SUMF1: variants seen among roughly 807,000 people sequenced by gnomAD.
The protein encoded by SUMF1 is formylglycine-generating enzyme.
In SUMF1, 48 loss-of-function variants were observed where a neutral mutation model predicts 47.6. The ratio of observed to expected loss-of-function variants is 1.01; its 90% confidence interval spans 0.80 to 1.28. The LOEUF (loss-of-function observed/expected upper bound fraction) is 1.28. Among genes scored for constraint, SUMF1 ranks in the 50% most tolerant of loss-of-function variants. The probability of loss-of-function intolerance (pLI) is 0.00; values close to 1 mark genes in which losing one functional copy is unlikely to be tolerated. For synonymous variants in SUMF1, 230 were observed against 192.1 expected, an observed-to-expected ratio of 1.20 and a Z score of -1.63; for missense variants, 571 against 485.4, an observed-to-expected ratio of 1.18 and a Z score of -1.66.
chr3:4,176,774 G>A (rs1362992148), intron 8 of SUMF1, among the ~76,000 whole-genome samples: 1 of 152,198 alleles, frequency 6.6e-6, no homozygotes, highest in East Asian at 1.9e-4. Context: ...ACCCATCAGA[G>A]TGCTGTATTC....
At chr3:4,373,330 T>C (rs1700225086) in intron 8 of SUMF1, among the ~76,000 whole-genome samples, 1 of 152,138 alleles carries the variant, frequency 6.6e-6, no homozygotes, top group Non-Finnish European at 1.5e-5. Context: ...GCAGAGATTA[T>C]GCCAATAAAT....
At chr3:4,305,791 A>C (rs908889071) in intron 8 of SUMF1, among the ~76,000 whole-genome samples, 2 of 152,212 alleles carry the variant, frequency 1.3e-5, no homozygotes, top group Admixed American at 1.3e-4. Context: ...TGGGCAAGAT[A>C]AGAAAAAATC....
At chr3:4,080,765 C>T (rs1692542678) in intron 8 of SUMF1, among the ~76,000 whole-genome samples, 1 of 152,074 alleles carries the variant, frequency 6.6e-6, no homozygotes, top group African/African-American at 2.4e-5. Context: ...GGTTTCTTAG[C>T]TCAGGGATTA....
chr3:4,217,818 A>AG (rs1341795923), intron 8 of SUMF1, among the ~76,000 whole-genome samples: 18 of 151,706 alleles, frequency 1.2e-4, no homozygotes, highest in African/African-American at 4.1e-4. Flanking sequence ...AAAATTCACC[A>AG]GGGAAAAAAT....
chr3:4,122,044 C>A (rs187302175), intron 8 of SUMF1, among the ~76,000 whole-genome samples: 1 of 151,434 alleles, frequency 6.6e-6, no homozygotes, highest in African/African-American at 2.5e-5. Context: ...AGGACATGAT[C>A]GCGTTCTTTT....
intron 8 of SUMF1, among the ~76,000 whole-genome samples, chr3:4,115,408 A>C (rs1465494043): frequency 6.6e-6 from 1 of 152,138 alleles, no homozygotes; most frequent in East Asian, 1.9e-4. Context: ...CCTTGCAATA[A>C]GGCAGAGGGC....
intron 1 of SUMF1, among the ~76,000 whole-genome samples, chr3:4,458,855 C>T (rs2079736524): frequency 6.6e-6 from 1 of 151,266 alleles, no homozygotes; most frequent in Non-Finnish European, 1.5e-5. Flanking sequence ...GATTCCGTCT[C>T]AAGAGAAAAA....
rs531056931 is a variant in SUMF1 at position 4,339,635 on chromosome 3, G to A, written c.1014+36695C>T. Among the ~76,000 whole-genome samples, 6 of 152,276 alleles carry A rather than the reference G, an allele frequency of 3.9e-5. No homozygotes were observed. The South Asian group carries it at 1.2e-3, about 32-fold the overall frequency. ...GATGTAGACTGCCCCCTGGAAAGAG[G>A]TCTTGGGTAGGAAGGCTGATAGCAC... On this transcript the variant is annotated intron_variant and NMD_transcript_variant, in intron 8 of 12. Coordinates refer to the SUMF1 transcript ENST00000448413.
rs746612402 is a variant in SUMF1 at position 4,297,564 on chromosome 3, A to ATTTTT, written c.1014+78761_1014+78765dup. On this transcript the variant is annotated intron_variant and NMD_transcript_variant, in intron 8 of 12. Coordinates refer to the SUMF1 transcript ENST00000448413. ...TACAGCCACAAGCCACTACACCTGAATTTTTTTTTTTTTTTTTTTTTGAGA... is the reference window on the plus strand; with the variant it reads ...TACAGCCACAAGCCACTACACCTGAATTTTTTTTTTTTTTTTTTTTTTTTTTGAGA... Among the ~76,000 whole-genome samples the ATTTTT allele has an allele frequency of 1.2e-3, 136 of 113,842 alleles. 2 individuals are homozygous for ATTTTT. Among genetic ancestry groups the ATTTTT allele is most frequent in the African/African-American group, 3.4e-3 (97 of 28,654 alleles). 74.7% of individuals were successfully genotyped at this position (113,842 alleles called of 152,430 possible).
intron 3 of SUMF1, among the ~76,000 whole-genome samples, chr3:4,423,819 T>C (rs1701984065): frequency 6.6e-6 from 1 of 152,154 alleles, no homozygotes; most frequent in Non-Finnish European, 1.5e-5. Context: ...GAGCTCTCAC[T>C]GTGTCACAGG....
rs138348828 is a variant in SUMF1, at chr3:4,178,714, T to C, written c.1015-109969A>G. Among the ~76,000 whole-genome samples, 154 of 152,178 alleles carry C rather than the reference T, an allele frequency of 1.0e-3. 2 individuals carry two copies. The highest frequency in any genetic ancestry group is 3.5e-3 in the African/African-American group (147 of 41,520). ...AGGGCAATCAGGCAAGAGAAAGAAA[T>C]AAAGGGTATTCAATTAGGAAATGAG... On this transcript the variant is annotated intron_variant and NMD_transcript_variant, in intron 8 of 12. Coordinates refer to the SUMF1 transcript ENST00000448413.
At chr3:4,258,200 G>A (rs1394006139) in intron 8 of SUMF1, among the ~76,000 whole-genome samples, 10 of 149,180 alleles carry the variant, frequency 6.7e-5, no homozygotes, top group East Asian at 3.9e-4. Context: ...ACATAGGCAC[G>A]GGCAAGGACT....
chr3:4,134,896 C>A (rs554694101), intron 8 of SUMF1, among the ~76,000 whole-genome samples: 1 of 152,162 alleles, frequency 6.6e-6, no homozygotes, highest in Non-Finnish European at 1.5e-5. Context: ...TTCTTCAACA[C>A]ATACACTTTC....
chr3:4,165,874 CCG>C (rs1694693035), intron 8 of SUMF1, among the ~76,000 whole-genome samples: 3 of 141,338 alleles, frequency 2.1e-5, no homozygotes, highest in South Asian at 4.9e-4. Flanking sequence ...CCCCCCCCCC[CCG>C]AGCAAGAACC....
intron 8 of SUMF1, among the ~76,000 whole-genome samples, chr3:4,137,803 A>G (rs1693977448): frequency 6.6e-6 from 1 of 152,056 alleles, no homozygotes; most frequent in African/African-American, 2.4e-5. Context: ...TGGAGGTTCT[A>G]GCCAGAGCAA....
chr3:4,234,635 A>G (rs1268063880), intron 8 of SUMF1, among the ~76,000 whole-genome samples: 1 of 152,172 alleles, frequency 6.6e-6, no homozygotes, highest in Non-Finnish European at 1.5e-5. Flanking sequence ...AGAAGAAGTA[A>G]AAATTTCCCT....
chr3:4,194,099 C>A (rs765607053), intron 8 of SUMF1, among the ~76,000 whole-genome samples: 1 of 152,018 alleles, frequency 6.6e-6, no homozygotes, highest in Non-Finnish European at 1.5e-5. Context: ...ATATTCTATA[C>A]CTGTGATGTC....
Position 4,213,246 on chromosome 3 carries a change from G to C in SUMF1, c.1015-144501C>G, listed in dbSNP as rs188215538. 2.0e-3 allele frequency among the ~76,000 whole-genome samples: 300 copies of C among 152,200 alleles called. 1 individual carries two copies. The highest frequency in any genetic ancestry group is 6.9e-3 in the African/African-American group (287 of 41,534). ...AAACCCTACAAGCCAGAAGAGAGTG[G>C]GGGCCAATATTCAACATTCTTAAAG... On this transcript the variant is annotated intron_variant and NMD_transcript_variant, in intron 8 of 12. Transcript: ENST00000448413.
intron 8 of SUMF1, among the ~76,000 whole-genome samples, chr3:4,136,790 C>T (rs1226393755): frequency 6.6e-6 from 1 of 151,216 alleles, no homozygotes; most frequent in Non-Finnish European, 1.5e-5. Flanking sequence ...AAACAAACAA[C>T]CCCATCAAAA....
Sources: allele counts gnomAD v4.1 joint callset (sites outside exome capture counted in the v4.1 genomes callset), GRCh38; gene constraint gnomAD v4.1.1; transcripts MANE v1.5; gene names NCBI Gene and HGNC (gene_info 2026-07-23, HGNC 2026-07-21).